Variants in SLC19A1 observed in about 807,000 individuals in gnomAD.
The protein encoded by SLC19A1 is solute carrier family 19 member 1, also known as reduced folate transporter.
In SLC19A1, 37 loss-of-function variants were observed where a neutral mutation model predicts 35.3. The ratio of observed to expected loss-of-function variants is 1.05; its 90% CI spans 0.81 to 1.38. SLC19A1 has a LOEUF of 1.38. Ranked by LOEUF, SLC19A1 falls within the 40% of genes most tolerant of loss-of-function variation. SLC19A1 has a pLI of 0.00. For missense variants in SLC19A1, 831 were observed against 826.9 expected (o/e 1.00, Z -0.06); for synonymous variants, 460 against 398.5 (o/e 1.15, Z -1.84).
At chr21:45,522,129 G>A (rs1436922599) in intron 5 of SLC19A1, among the ~76,000 whole-genome samples, 2 of 152,060 alleles carry the variant, frequency 1.3e-5, no homozygotes, top group African/African-American at 4.8e-5. Context: ...TAAAACTCAA[G>A]AGTATAAAAA....
downstream of SLC19A1, chr21:45,512,284 G>A (rs765311365): frequency 2.1e-5 from 34 of 1,611,876 alleles, no homozygotes; most frequent in Admixed American, 1.5e-4. Context: ...CCTCGGCCAC[G>A]GGCCAGGCCT....
At chr21:45,529,349 C>T (rs1030699633) in intron 4 of SLC19A1, among the ~76,000 whole-genome samples, 1 of 152,172 alleles carries the variant, frequency 6.6e-6, no homozygotes, top group Non-Finnish European at 1.5e-5. Flanking sequence ...CTCAAACAGG[C>T]TCGTGACCAG....
At position 45,515,787 on chromosome 21, in the gene SLC19A1, GCA is replaced by G. The variant is rs777471320; in HGVS notation, c.1645_1646del (p.Cys549LeufsTer8). 4 of 1,613,628 alleles carry G rather than the reference GCA, an allele frequency of 2.5e-6. No individual in the cohort carries two copies. The highest frequency in any genetic ancestry group is 1.1e-5 in the South Asian group (1 of 91,082). On this transcript the variant is annotated frameshift_variant, in exon 6 of 6. Coordinates refer to ENST00000311124, the MANE Select transcript of SLC19A1 (RefSeq NM_194255.4). LOFTEE classifies it low-confidence loss of function (END_TRUNC). ...CCTCAGGGCCTGAGGCTTGGGCGGA[GCA>G]CAGAGTGCAGGGGGAAGGGGTTGTC... ...PVTTPSPCTLCSAQASGPEAA... is the reference protein window; with the variant it reads ...PVTTPSPCTLXSAQASGPEAA...
At chr21:45,505,858 C>T in intron 3 of SLC19A1, 2 of 1,607,444 alleles carry the variant, frequency 1.2e-6, no homozygotes, top group South Asian at 1.1e-5. Context: ...GGGCTACACG[C>T]CAGGCCATGC....
At position 45,529,097 on chromosome 21, in the gene SLC19A1, C is replaced by T. The variant is rs572259287; in HGVS notation, c.1151+1673G>A. ...ACGCTGGGCCTTCACGAGCCAGGGACGGCAAGAGCCCAGTGTGGGCCTCGG... is the reference window on the plus strand; with the variant it reads ...ACGCTGGGCCTTCACGAGCCAGGGATGGCAAGAGCCCAGTGTGGGCCTCGG... On this transcript the variant is annotated intron_variant, in intron 4 of 5. Coordinates refer to ENST00000311124, the MANE Select transcript of SLC19A1 (RefSeq NM_194255.4). Among the ~76,000 whole-genome samples the T allele has an allele frequency of 2.2e-4, 34 of 152,318 alleles. 1 individual carries two copies. The East Asian group carries it at 5.4e-3, about 24-fold the overall frequency.
Position 45,515,556 on chromosome 21 carries a change from A to G in SLC19A1, c.*102T>C. ...GAATCCTAGGGGGCCTGCTAGCAGG[A>G]TAAGCGGAGGCCCCCATTGCTAAGG... On this transcript the variant is annotated 3_prime_UTR_variant, in exon 6 of 6. Transcript: ENST00000311124. The G allele has an allele frequency of 6.4e-7, 1 of 1,561,650 alleles. No homozygotes were observed. The highest frequency in any genetic ancestry group is 8.6e-7 in the Non-Finnish European group (1 of 1,164,432).
At chr21:45,518,470 C>A (rs184598526) in intron 5 of SLC19A1, among the ~76,000 whole-genome samples, 3 of 152,242 alleles carry the variant, frequency 2.0e-5, no homozygotes, top group Admixed American at 2.0e-4. Context: ...TGAAAACTTC[C>A]TAAATTTGGT....
At chr21:45,504,496 C>A (rs769063480) in intron 3 of SLC19A1, 2 of 1,516,216 alleles carry the variant, frequency 1.3e-6, no homozygotes, top group East Asian at 4.8e-5. Flanking sequence ...TCGGCTCCAG[C>A]CTGCCCGGCC....
intron 2 of SLC19A1, among the ~76,000 whole-genome samples, chr21:45,537,350 A>G (rs2078146094): frequency 6.6e-6 from 1 of 152,182 alleles, no homozygotes; most frequent in South Asian, 2.1e-4. Context: ...CTCCAGCCTC[A>G]AGTGCTCACA....
chr21:45,534,508 G>T lies in SLC19A1; in HGVS notation c.190-2360C>A, dbSNP rs1217380615. ...AGACCCCACGGCTCTCTGGAAAAGG[G>T]CGGCCAGGGGTCCTAGAAGCCTCAC... On this transcript the variant is annotated intron_variant, in intron 2 of 5. Coordinates refer to ENST00000311124, the MANE Select transcript of SLC19A1 (RefSeq NM_194255.4). This position sits in a 1 kb window ranked among gnomAD's most constrained non-coding sequence, Gnocchi z 4.2. 2.0e-6 allele frequency: 3 copies of T among 1,503,568 alleles called. No individual in the cohort carries two copies. The African/African-American group carries it at 4.1e-5, about 21-fold the overall frequency. The allele number at this position is 1,503,568 out of a possible 1,614,324, so 93.1% of individuals were successfully genotyped here. A position where few individuals can be genotyped will look rare whatever the true frequency, so the allele number is the denominator to read the frequency against.
chr21:45,537,776 C>G lies in SLC19A1; in HGVS notation c.184G>C (p.Glu62Gln). The G allele has an allele frequency of 6.7e-6, 10 of 1,497,130 alleles. No individual in the cohort carries two copies. The highest frequency in any genetic ancestry group is 8.9e-6 in the Non-Finnish European group (10 of 1,117,504). The allele number at this position is 1,497,130 out of a possible 1,614,324, so 92.7% of individuals were successfully genotyped here. Residue 62 changes from glutamate (E) to glutamine (Q), a missense_variant, in exon 2 of 6, where the codon GAG (glutamate) becomes CAG (glutamine). By Grantham distance (29) the Glu-to-Gln change is conservative. Coordinates refer to ENST00000311124, the MANE Select transcript of SLC19A1 (RefSeq NM_194255.4). Reference sequence around the variant, plus strand: ...GCACCCCGGCACCCACATGCCTGCTCCCGCGTGAAGTTCTTGTCGGGCCCC... The same window carrying G: ...GCACCCCGGCACCCACATGCCTGCTGCCGCGTGAAGTTCTTGTCGGGCCCC... ...LLGPDKNFTR[E>Q]QVTNEITPVL...
At chr21:45,509,329 G>T (rs374052932), downstream of SLC19A1, 2 of 1,541,154 alleles carry the variant, frequency 1.3e-6, no homozygotes, top group African/African-American at 1.4e-5. Context: ...TCCCCCCGCC[G>T]ACAGGCCCCA....
In SLC19A1 at chr21:45,515,241, G is replaced by A. The variant is rs1282493171; in HGVS notation, c.*417C>T. On this transcript the variant is annotated 3_prime_UTR_variant, in exon 6 of 6. Transcript: ENST00000311124. ...AATGTCACAGCTCAGCTACACCTGA[G>A]GGTCCCGGCTCCCACCCTGCCCTAG... 5.3e-6 allele frequency: 8 copies of A among 1,503,912 alleles called. No individual in the cohort carries two copies. The African/African-American group carries it at 9.9e-5, about 19-fold the overall frequency. The allele number at this position is 1,503,912 out of a possible 1,614,324, so 93.2% of individuals were successfully genotyped here. A position where few individuals can be genotyped will look rare whatever the true frequency, so the allele number is the denominator to read the frequency against.
chr21:45,506,499 C>A (rs1000852471), intron 3 of SLC19A1: 2 of 207,450 alleles, frequency 9.6e-6, no homozygotes, highest in Admixed American at 1.1e-4. Context: ...CAGGCCAGCC[C>A]CTTTCCTGCT....
chr21:45,506,635 G>A (rs73907567), intron 3 of SLC19A1: 23,007 of 170,386 alleles, frequency 0.14, 1,635 homozygotes, highest in Admixed American at 0.18. Context: ...GCCCCATGCC[G>A]CCGAAACGGC....
intron 3 of SLC19A1, chr21:45,506,932 C>T (rs936064412): frequency 4.3e-6 from 1 of 233,926 alleles, no homozygotes. Context: ...AGTCTCATAG[C>T]AGATGCTGAG....
chr21:45,518,471 T>G (rs973914637), intron 5 of SLC19A1, among the ~76,000 whole-genome samples: 5 of 152,188 alleles, frequency 3.3e-5, no homozygotes, highest in African/African-American at 1.2e-4. Context: ...GAAAACTTCC[T>G]AAATTTGGTG....
intron 3 of SLC19A1, chr21:45,505,709 C>T (rs535928135): frequency 1.1e-4 from 84 of 781,764 alleles, no homozygotes; most frequent in Non-Finnish European, 1.4e-4. Flanking sequence ...TGGGGGCAGC[C>T]GCCTCAGTCC....
upstream of SLC19A1, among the ~76,000 whole-genome samples, chr21:45,543,151 C>G (rs866125903): frequency 2.0e-5 from 3 of 152,208 alleles, no homozygotes; most frequent in Admixed American, 6.5e-5. Flanking sequence ...GCGCAGGCCT[C>G]GCAGACGGCA....
Sources: allele counts gnomAD v4.1 joint callset (sites outside exome capture counted in the v4.1 genomes callset), GRCh38; gene constraint gnomAD v4.1.1; non-coding constraint Gnocchi (gnomAD v3.1); transcripts MANE v1.5; gene names NCBI Gene and HGNC (gene_info 2026-07-23, HGNC 2026-07-21).